The following EEA1 variants were observed in gnomAD, a reference collection of about 807,000 sequenced individuals.
The protein encoded by EEA1 is early endosome antigen 1, 162kD.
A neutral mutation model predicts 209.2 loss-of-function variants in EEA1; 111 were observed. The ratio of observed to expected loss-of-function variants is 0.53; its 90% CI spans 0.45 to 0.62. The LOEUF (loss-of-function observed/expected upper bound fraction) is 0.62. Among genes scored for constraint, EEA1 ranks in the 20% least tolerant of loss-of-function variants. EEA1 has a pLI of 0.00. For synonymous variants in EEA1, 536 were observed against 540.6 expected (o/e 0.99, Z 0.12); for missense variants, 1,343 against 1,530.8 (o/e 0.88, Z 2.05).
intron 18 of EEA1, among the ~76,000 whole-genome samples, chr12:92,808,701 C>G (rs1278414554): frequency 6.6e-6 from 1 of 152,088 alleles, no homozygotes; most frequent in Non-Finnish European, 1.5e-5. Flanking sequence ...TTTAATTTTA[C>G]AGTAATTTAT....
intron 1 of EEA1, among the ~76,000 whole-genome samples, chr12:92,908,451 A>G (rs1006808063): frequency 2.0e-5 from 3 of 152,218 alleles, no homozygotes; most frequent in African/African-American, 7.2e-5. Context: ...TATCTTTTAA[A>G]TTACGTATAT....
At chr12:92,826,335 C>A in intron 12 of EEA1, 50 bp from the exon 13 acceptor site, 1 of 1,528,560 alleles carries the variant, frequency 6.5e-7, no homozygotes, top group Non-Finnish European at 9.0e-7. Flanking sequence ...ATAATGCTAT[C>A]ATTCATAAGT....
intron 13 of EEA1, 69 bp downstream of exon 13, chr12:92,826,097 T>C: frequency 6.8e-7 from 1 of 1,468,276 alleles, no homozygotes; most frequent in Non-Finnish European, 9.2e-7. Flanking sequence ...AATTTTATTT[T>C]TTCTCTTATA....
At chr12:92,831,969 C>A (rs1876668074) in intron 11 of EEA1, among the ~76,000 whole-genome samples, 1 of 150,926 alleles carries the variant, frequency 6.6e-6, no homozygotes, top group South Asian at 2.1e-4. Context: ...CGCCTGTAGT[C>A]CCAGCTACTC....
rs1485628702 is a variant in EEA1 at position 92,777,798 on chromosome 12, GTTAA to G, written c.3893+139_3894-136del. 2.5e-5 allele frequency: 32 copies of G among 1,260,224 alleles called. No individual in the cohort carries two copies. The East Asian group carries it at 7.3e-4, about 29-fold the overall frequency. 78.1% of individuals were successfully genotyped at this position (1,260,224 alleles called of 1,614,324 possible). ...TTTTGACTATCTGATTGTTTTACAG[GTTAA>G]TTTTTAAATGGCTACTTAAATACCT... On this transcript the variant is annotated intron_variant, in intron 26 of 28. Coordinates refer to ENST00000322349, the MANE Select transcript of EEA1 (RefSeq NM_003566.4).
At chr12:92,866,374 C>CTA (rs1371976026) in intron 2 of EEA1, among the ~76,000 whole-genome samples, 1 of 151,964 alleles carries the variant, frequency 6.6e-6, no homozygotes, top group Non-Finnish European at 1.5e-5. Context: ...AAATTCCCCT[C>CTA]TATTAGAGAT....
intron 9 of EEA1, among the ~76,000 whole-genome samples, chr12:92,844,414 T>C (rs1208560891): frequency 6.6e-6 from 1 of 152,168 alleles, no homozygotes; most frequent in Non-Finnish European, 1.5e-5. Flanking sequence ...TTGTTACACC[T>C]TATACACAGT....
At chr12:92,790,926 C>T (rs1336038077) in intron 21 of EEA1, among the ~76,000 whole-genome samples, 4 of 152,250 alleles carry the variant, frequency 2.6e-5, no homozygotes, top group South Asian at 2.1e-4. Context: ...GCAGATCTCT[C>T]GACAGAAACC....
intron 20 of EEA1, among the ~76,000 whole-genome samples, chr12:92,801,370 T>G (rs1874900035): frequency 6.6e-6 from 1 of 152,002 alleles, no homozygotes; most frequent in Non-Finnish European, 1.5e-5. Context: ...TTTTTAATAG[T>G]AGGCAAAATA....
intron 10 of EEA1, among the ~76,000 whole-genome samples, chr12:92,837,936 A>G (rs1877000131): frequency 6.6e-6 from 1 of 152,174 alleles, no homozygotes; most frequent in African/African-American, 2.4e-5. Flanking sequence ...TACCAAAGAC[A>G]TGGGGTAAGG....
chr12:92,880,313 GT>G (rs925144595), intron 2 of EEA1, among the ~76,000 whole-genome samples: 2 of 150,914 alleles, frequency 1.3e-5, no homozygotes, highest in Non-Finnish European at 3.0e-5. Context: ...CAATGTTTTT[GT>G]TTTTTTTTGA....
At chr12:92,902,758 A>AG (rs753160419) in intron 1 of EEA1, among the ~76,000 whole-genome samples, 5,430 of 148,200 alleles carry the variant, frequency 0.037, 137 homozygotes, top group Middle Eastern at 0.079. Context: ...AAAAAAAAAA[A>AG]GGCTGTAAAT....
chr12:92,917,337 C>A (rs1880807580), intron 1 of EEA1, among the ~76,000 whole-genome samples: 1 of 136,016 alleles, frequency 7.4e-6, no homozygotes, highest in Non-Finnish European at 1.6e-5. Flanking sequence ...TTAAGGTCAG[C>A]CAGAGAGAAA....
intron 5 of EEA1, among the ~76,000 whole-genome samples, chr12:92,856,142 G>T (rs531975332): frequency 2.8e-4 from 43 of 152,210 alleles, no homozygotes; most frequent in South Asian, 2.1e-3. Flanking sequence ...AACATGCAAA[G>T]GGATTATTAA....
At chr12:92,828,781 C>T (rs1486680915) in intron 11 of EEA1, among the ~76,000 whole-genome samples, 3 of 152,044 alleles carry the variant, frequency 2.0e-5, no homozygotes, top group Admixed American at 2.0e-4. Flanking sequence ...CACTTTCCTG[C>T]CACTAGTTCG....
At chr12:92,802,852 G>T in intron 18 of EEA1, 118 bp from the exon 19 acceptor site, 1 of 736,514 alleles carries the variant, frequency 1.4e-6, no homozygotes, top group African/African-American at 1.9e-5. Flanking sequence ...TAGTTCACAA[G>T]TAAAAATAAT....
intron 18 of EEA1, 140 bp downstream of exon 18, chr12:92,808,877 A>G (rs1875343569): frequency 1.5e-6 from 1 of 647,128 alleles, no homozygotes; most frequent in Non-Finnish European, 2.3e-6. Flanking sequence ...TCACATTAAC[A>G]TCAGTTTATA....
Position 92,816,307 on chromosome 12 carries a change from G to A in EEA1, c.1822C>T (p.His608Tyr), listed in dbSNP as rs1333268120. The A allele has an allele frequency of 6.2e-7, 1 of 1,613,944 alleles. No homozygotes were observed. The highest frequency in any genetic ancestry group is 1.7e-5 in the Admixed American group (1 of 60,014). Residue 608 changes from histidine (H) to tyrosine (Y), a missense_variant, in exon 15 of 29, where the codon CAT becomes TAT. Around this residue, in one of 3 missense-constraint regions of EEA1, gnomAD observed 1,307 missense variants for 1,465.5 expected, o/e 0.89. Transcript: ENST00000322349. ...LHDQVQEQKAHLRAAQDRVLS... is the reference protein window; with the variant it reads ...LHDQVQEQKAYLRAAQDRVLS... Reference sequence around the variant, plus strand: ...ACACGGTCTTGTGCAGCTCTAAGATGTGCCTTCTGCTCTTGTACCTGGTCA... The same window carrying A: ...ACACGGTCTTGTGCAGCTCTAAGATATGCCTTCTGCTCTTGTACCTGGTCA...
Position 92,842,480 on chromosome 12 carries a change from T to A in EEA1, c.900A>T (p.Leu300Phe). Residue 300 changes from leucine to phenylalanine, a missense_variant, in exon 10 of 29, where the codon TTA (leucine) becomes TTT (phenylalanine). By Grantham distance (22) the Leu-to-Phe change is conservative. This residue lies in a region of EEA1 where 1,307 missense variants were observed against 1,465.5 expected (regional missense o/e 0.89). Coordinates refer to ENST00000322349, the MANE Select transcript of EEA1 (RefSeq NM_003566.4). ...AAATTCTCACCTGATTTTTTTGTGT[T>A]AATTCATTAACTGAACTTTTCAGTT... ...LQKLKSSVNE[L>F]TQKNQTLTEN... 1 of 1,577,892 alleles carries A rather than the reference T, an allele frequency of 6.3e-7. No homozygotes were observed. Among genetic ancestry groups the A allele is most frequent in the Non-Finnish European group, 8.7e-7 (1 of 1,151,940 alleles).
Sources: gnomAD v4.1 joint callset for allele counts (sites outside exome capture counted in the v4.1 genomes callset) on GRCh38, gnomAD v4.1.1 for gene constraint, gnomAD v4.1.1 regional missense constraint, MANE v1.5 for transcripts, NCBI Gene and HGNC (gene_info 2026-07-23, HGNC 2026-07-21) for gene names.